Variants in HPSE2 observed in about 807,000 individuals in gnomAD.
HPSE2 encodes inactive heparanase-2.
A neutral mutation model predicts 60.5 loss-of-function variants in HPSE2; 38 were observed. The observed-to-expected ratio is 0.63, with a 90% CI of 0.48 to 0.82. The LOEUF is 0.82. HPSE2 is among the 40% of genes least tolerant of loss of function. The probability of loss-of-function intolerance (pLI) is 0.00; values close to 1 mark genes in which losing one functional copy is unlikely to be tolerated. For missense variants in HPSE2, 713 were observed against 740.4 expected, an observed-to-expected ratio of 0.96 and a Z score of 0.43; for synonymous variants, 295 against 293.2, an observed-to-expected ratio of 1.01 and a Z score of -0.06.
At chr10:98,906,935 A>C (rs1031640802) in intron 3 of HPSE2, among the ~76,000 whole-genome samples, 3 of 152,138 alleles carry the variant, frequency 2.0e-5, no homozygotes, top group Non-Finnish European at 2.9e-5. Context: ...ATAGTAGACC[A>C]ACTTAGTAAT....
intron 6 of HPSE2, among the ~76,000 whole-genome samples, chr10:98,673,159 A>G (rs1947550024): frequency 6.6e-6 from 1 of 152,208 alleles, no homozygotes; most frequent in South Asian, 2.1e-4. Flanking sequence ...TGAGGAATAC[A>G]ATCAAACAGA....
chr10:99,108,049 C>T (rs192213535), intron 3 of HPSE2, among the ~76,000 whole-genome samples: 185 of 152,220 alleles, frequency 1.2e-3, no homozygotes, highest in Middle Eastern at 6.8e-3. Flanking sequence ...ACAGACTATT[C>T]CTCTCTAGAT....
At position 98,823,620 on chromosome 10, in the gene HPSE2, A is replaced by G. The variant is rs145093529; in HGVS notation, c.611-79564T>C. The stretch of plus-strand genomic sequence containing the variant: ...CAGCCTGGTGACGAAGCAAGACCCC[A>G]TCTCTAAAAAATAAATAAATAGATA... On this transcript the variant is annotated intron_variant, in intron 3 of 11. Transcript: ENST00000370552. 2.5e-3 allele frequency among the ~76,000 whole-genome samples: 375 copies of G among 152,298 alleles called. 3 individuals carry two copies. The highest frequency in any genetic ancestry group is 8.4e-3 in the African/African-American group (350 of 41,580).
intron 3 of HPSE2, among the ~76,000 whole-genome samples, chr10:98,819,162 G>A (rs1951360310): frequency 6.6e-6 from 1 of 152,126 alleles, no homozygotes; most frequent in African/African-American, 2.4e-5. Flanking sequence ...TATAGACTGA[G>A]GGTGCTCCAA....
At chr10:99,248,749 G>C in the HPSE2 span, among the ~76,000 whole-genome samples, 2 of 152,210 alleles carry the variant, frequency 1.3e-5, no homozygotes, top group Non-Finnish European at 2.9e-5. Context: ...CAAGGCCTAG[G>C]AGGGAAGAAT....
intron 9 of HPSE2, among the ~76,000 whole-genome samples, chr10:98,542,404 T>C (rs1943503059): frequency 6.6e-6 from 1 of 151,946 alleles, no homozygotes; most frequent in African/African-American, 2.4e-5. Flanking sequence ...AACTGGAAAC[T>C]CTAAAAAGCA....
At chr10:98,633,183 T>C (rs1019517494) in intron 7 of HPSE2, among the ~76,000 whole-genome samples, 1 of 152,162 alleles carries the variant, frequency 6.6e-6, no homozygotes, top group Non-Finnish European at 1.5e-5. Flanking sequence ...CTTATGATTT[T>C]ATTTTCTTTC....
At chr10:98,525,863 A>G (rs2133787145) in intron 9 of HPSE2, among the ~76,000 whole-genome samples, 1 of 152,314 alleles carries the variant, frequency 6.6e-6, no homozygotes, top group Non-Finnish European at 1.5e-5. Flanking sequence ...TTTAACACCA[A>G]CCATGAATAA....
chr10:98,696,480 C>T (rs970870750), intron 5 of HPSE2, among the ~76,000 whole-genome samples: 1 of 152,076 alleles, frequency 6.6e-6, no homozygotes, highest in African/African-American at 2.4e-5. Flanking sequence ...GATCCTCAGT[C>T]AGGAAAGGCA....
the HPSE2 span, among the ~76,000 whole-genome samples, chr10:99,278,541 T>C: frequency 2.0e-5 from 3 of 152,088 alleles, no homozygotes; most frequent in Admixed American, 6.6e-5. Flanking sequence ...TCCACTTATA[T>C]CTCATGGCCA....
chr10:98,870,292 G>A (rs2134826100), intron 3 of HPSE2, among the ~76,000 whole-genome samples: 1 of 152,276 alleles, frequency 6.6e-6, no homozygotes, highest in Admixed American at 6.5e-5. Context: ...GATGTCCTTA[G>A]AGTCAGAAGG....
At chr10:98,887,369 T>C (rs1953195707) in intron 3 of HPSE2, among the ~76,000 whole-genome samples, 1 of 152,100 alleles carries the variant, frequency 6.6e-6, no homozygotes, top group Admixed American at 6.6e-5. Context: ...GTCTAAGACA[T>C]GGGAAGTGCT....
chr10:98,473,760 G>T (rs943812001), intron 11 of HPSE2, among the ~76,000 whole-genome samples: 1 of 152,098 alleles, frequency 6.6e-6, no homozygotes, highest in African/African-American at 2.4e-5. Context: ...TCCAAAGCAA[G>T]AGTAGAAAGG....
intron 11 of HPSE2, among the ~76,000 whole-genome samples, chr10:98,465,614 T>A (rs974263424): frequency 3.3e-5 from 5 of 152,234 alleles, no homozygotes; most frequent in Non-Finnish European, 7.3e-5. Context: ...AAATTCTGGC[T>A]TCCTGACCAC....
chr10:98,484,382 C>T (rs543188557), intron 10 of HPSE2, among the ~76,000 whole-genome samples: 4 of 152,324 alleles, frequency 2.6e-5, no homozygotes, highest in African/African-American at 7.2e-5. Flanking sequence ...AGATTACAGG[C>T]GTGCGCCACC....
intron 3 of HPSE2, among the ~76,000 whole-genome samples, chr10:99,076,640 G>A (rs554605824): frequency 1.2e-3 from 175 of 152,136 alleles, no homozygotes; most frequent in Admixed American, 2.5e-3. Flanking sequence ...TGTCTGCCTC[G>A]GCTTCCCAAA....
At chr10:98,893,689 G>A (rs1246368836) in intron 3 of HPSE2, among the ~76,000 whole-genome samples, 1 of 152,118 alleles carries the variant, frequency 6.6e-6, no homozygotes, top group African/African-American at 2.4e-5. Flanking sequence ...GAAAGCCAAA[G>A]AGGGTACAAA....
intron 4 of HPSE2, among the ~76,000 whole-genome samples, chr10:98,726,013 A>C (rs1949067984): frequency 1.3e-5 from 2 of 152,208 alleles, no homozygotes; most frequent in African/African-American, 2.4e-5. Context: ...GTGGAGAAAT[A>C]GGAACACTTT....
In HPSE2 at chr10:98,461,505, C is replaced by T. The variant is rs1940288779; in HGVS notation, c.1614-1766G>A. Among the ~76,000 whole-genome samples, 3 of 152,222 alleles carry T rather than the reference C, an allele frequency of 2.0e-5. No homozygotes were observed. The South Asian group carries it at 6.2e-4, about 32-fold the overall frequency. Reference sequence around the variant, plus strand: ...GACCCTCTGTAGTGAAGACAGCCTACTCATTGGAGTGGAAGGCAGGGTGAG... The same window carrying T: ...GACCCTCTGTAGTGAAGACAGCCTATTCATTGGAGTGGAAGGCAGGGTGAG... On this transcript the variant is annotated intron_variant, in intron 11 of 11. Coordinates refer to ENST00000370552, the MANE Select transcript of HPSE2 (RefSeq NM_021828.5).
Sources: gnomAD v4.1 joint callset for allele counts (sites outside exome capture counted in the v4.1 genomes callset) on GRCh38, gnomAD v4.1.1 for gene constraint, MANE v1.5 for transcripts, NCBI Gene and HGNC (gene_info 2026-07-23, HGNC 2026-07-21) for gene names.